Variants in DPYD observed in about 807,000 individuals in gnomAD.
DPYD encodes dihydropyrimidine dehydrogenase [NADP(+)].
A neutral mutation model predicts 116.2 loss-of-function variants in DPYD; 109 were observed. The observed-to-expected ratio is 0.94, with a 90% CI of 0.80 to 1.10. DPYD has a LOEUF of 1.10. Ranked by LOEUF, DPYD falls within the 50% of genes least tolerant of loss-of-function variation. The probability of loss-of-function intolerance (pLI) is 0.00; values close to 1 mark genes in which losing one functional copy is unlikely to be tolerated. For missense variants in DPYD, 1,302 were observed against 1,254.5 expected (o/e 1.04, Z -0.57); for synonymous variants, 440 against 432.0 (o/e 1.02, Z -0.23).
chr1:97,532,918 T>TG (rs66708355), intron 12 of DPYD, among the ~76,000 whole-genome samples: 23,523 of 142,580 alleles, frequency 0.16, 2,011 homozygotes, highest in Admixed American at 0.22. Flanking sequence ...GTTGTTTTTT[T>TG]TTTTTGTTGT....
intron 16 of DPYD, among the ~76,000 whole-genome samples, chr1:97,346,829 A>G (rs573244563): frequency 1.6e-4 from 25 of 152,018 alleles, no homozygotes; most frequent in African/African-American, 5.3e-4. Context: ...CAAAACCCCT[A>G]TCTTAAGAGA....
chr1:97,118,783 T>C (rs1437594440), intron 20 of DPYD, among the ~76,000 whole-genome samples: 1 of 152,206 alleles, frequency 6.6e-6, no homozygotes, highest in African/African-American at 2.4e-5. Context: ...AAGAAAAATA[T>C]TCTAAGTTTT....
intron 19 of DPYD, among the ~76,000 whole-genome samples, chr1:97,214,365 C>T (rs923512589): frequency 5.3e-5 from 8 of 152,146 alleles, no homozygotes; most frequent in African/African-American, 1.9e-4. Context: ...CTGAAAGTCT[C>T]TGTTTCTATG....
At chr1:97,785,668 TG>T (rs1433675224) in intron 3 of DPYD, among the ~76,000 whole-genome samples, 1 of 149,036 alleles carries the variant, frequency 6.7e-6, no homozygotes, top group Non-Finnish European at 1.5e-5. Flanking sequence ...TTTTTTCTTT[TG>T]GGCCACTGAC....
chr1:97,855,037 T>A (rs1670750472), intron 2 of DPYD: 1 of 152,206 alleles, frequency 6.6e-6, no homozygotes, highest in African/African-American at 2.4e-5. Context: ...TCTATTATAG[T>A]CTCTGAGTGT....
In DPYD at chr1:97,078,643, G is replaced by C; in HGVS notation, c.*333C>G. ...AATTAGAAATCAAATATGGAGCACA[G>C]CATAGGGCAATTTGGAAACTGTCAC... is the stretch of plus-strand genomic sequence containing the variant. On this transcript the variant is annotated 3_prime_UTR_variant, in exon 23 of 23. Coordinates refer to ENST00000370192, the MANE Select transcript of DPYD (RefSeq NM_000110.4). The C allele has an allele frequency of 2.8e-6, 1 of 354,508 alleles. No homozygotes were observed. The highest frequency in any genetic ancestry group is 2.4e-5 in the South Asian group (1 of 41,160). 22.0% of individuals were successfully genotyped at this position (354,508 alleles called of 1,614,324 possible). A position where few individuals can be genotyped will look rare whatever the true frequency, so the allele number is the denominator to read the frequency against.
chr1:97,280,604 T>C (rs956724050), intron 18 of DPYD, among the ~76,000 whole-genome samples: 3 of 152,176 alleles, frequency 2.0e-5, no homozygotes, highest in Non-Finnish European at 4.4e-5. Context: ...TGGATGAACC[T>C]GCAGGGTATT....
intron 18 of DPYD, among the ~76,000 whole-genome samples, chr1:97,286,687 T>C (rs1665707694): frequency 1.3e-5 from 2 of 152,246 alleles, no homozygotes; most frequent in South Asian, 4.1e-4. Flanking sequence ...CCATCACTGA[T>C]ACCCTTTCTT....
intron 8 of DPYD, among the ~76,000 whole-genome samples, chr1:97,632,054 T>G (rs1657293205): frequency 6.6e-6 from 1 of 151,996 alleles, no homozygotes; most frequent in South Asian, 2.1e-4. Context: ...ACAGTAAAAA[T>G]TACTAATATA....
intron 3 of DPYD, among the ~76,000 whole-genome samples, chr1:97,774,078 C>A (rs1666277104): frequency 6.6e-6 from 1 of 152,188 alleles, no homozygotes; most frequent in Non-Finnish European, 1.5e-5. Flanking sequence ...GGTCCACATT[C>A]CCCACTACCT....
At chr1:97,082,544 A>G (rs1649231754) in intron 21 of DPYD, 74 bp from the exon 22 acceptor site, 2 of 1,557,980 alleles carry the variant, frequency 1.3e-6, no homozygotes, top group Non-Finnish European at 1.8e-6. Context: ...ATCACTCAGC[A>G]TTTTCCTGTT....
intron 8 of DPYD, among the ~76,000 whole-genome samples, chr1:97,674,646 C>A (rs1021064663): frequency 6.6e-6 from 1 of 151,784 alleles, no homozygotes; most frequent in South Asian, 2.1e-4. Context: ...AATAAAATTA[C>A]CCACAGAACT....
At chr1:97,126,796 C>T (rs960911242) in intron 20 of DPYD, among the ~76,000 whole-genome samples, 6 of 152,140 alleles carry the variant, frequency 3.9e-5, no homozygotes, top group African/African-American at 7.2e-5. Context: ...TTCTCTTTAG[C>T]GTGTCTTTTG....
chr1:97,599,161 C>T (rs760937840), intron 8 of DPYD, among the ~76,000 whole-genome samples: 1 of 152,226 alleles, frequency 6.6e-6, no homozygotes, highest in Admixed American at 6.5e-5. Flanking sequence ...TTCTCCAGTA[C>T]AATCCCTTTC....
At chr1:97,229,321 A>G (rs2100727593) in intron 19 of DPYD, among the ~76,000 whole-genome samples, 1 of 150,216 alleles carries the variant, frequency 6.7e-6, no homozygotes, top group East Asian at 1.9e-4. Flanking sequence ...AACACTATGT[A>G]TTTGGAGTAA....
At chr1:97,137,651 G>A (rs1308662642) in intron 20 of DPYD, among the ~76,000 whole-genome samples, 3 of 152,138 alleles carry the variant, frequency 2.0e-5, no homozygotes, top group African/African-American at 4.8e-5. Flanking sequence ...TTGCTGGTTT[G>A]AGAGCACTGT....
intron 19 of DPYD, among the ~76,000 whole-genome samples, chr1:97,211,032 C>T (rs992225505): frequency 4.6e-5 from 7 of 152,220 alleles, no homozygotes; most frequent in South Asian, 2.1e-4. Flanking sequence ...ATTATCTACA[C>T]GACAGCTAAG....
chr1:97,258,939 A>G (rs569077457), intron 18 of DPYD, among the ~76,000 whole-genome samples: 2 of 152,288 alleles, frequency 1.3e-5, no homozygotes, highest in African/African-American at 4.8e-5. Flanking sequence ...GAGATGGACT[A>G]TATAAAACCT....
chr1:97,773,693 G>A (rs1269303526), intron 3 of DPYD, among the ~76,000 whole-genome samples: 3 of 152,202 alleles, frequency 2.0e-5, no homozygotes, highest in Admixed American at 2.0e-4. Context: ...GCAGAACGAA[G>A]CGGATTACAT....
Sources: allele counts gnomAD v4.1 joint callset (sites outside exome capture counted in the v4.1 genomes callset), GRCh38; gene constraint gnomAD v4.1.1; transcripts MANE v1.5; gene names NCBI Gene and HGNC (gene_info 2026-07-23, HGNC 2026-07-21).